TSNARE1: variants seen among roughly 807,000 people sequenced by gnomAD.
TSNARE1 encodes the protein t-SNARE domain-containing protein 1.
TSNARE1 carries 49 observed loss-of-function variants against 62.0 expected under a neutral mutation model. The ratio of observed to expected loss-of-function variants is 0.79; its 90% CI spans 0.63 to 1.00. TSNARE1 has a LOEUF of 1.00. Among genes scored for constraint, TSNARE1 ranks in the 50% least tolerant of loss-of-function variants. TSNARE1 has a pLI of 0.00. For missense variants in TSNARE1, 755 were observed against 700.1 expected, an observed-to-expected ratio of 1.08 and a Z score of -0.88; for synonymous variants, 328 against 294.4, an observed-to-expected ratio of 1.11 and a Z score of -1.17.
At chr8:142,372,088 T>C (rs554733295) in intron 1 of TSNARE1, among the ~76,000 whole-genome samples, 1 of 152,204 alleles carries the variant, frequency 6.6e-6, no homozygotes, top group Non-Finnish European at 1.5e-5. Flanking sequence ...TGGTGGATTC[T>C]GAATTCTGCT....
intron 12 of TSNARE1, among the ~76,000 whole-genome samples, chr8:142,259,800 T>C (rs1231921254): frequency 6.6e-6 from 1 of 151,910 alleles, no homozygotes; most frequent in Non-Finnish European, 1.5e-5. Context: ...GAATACCGAG[T>C]TGCTAAGAAT....
chr8:142,360,606 C>A (rs1835082841), intron 1 of TSNARE1, among the ~76,000 whole-genome samples: 1 of 151,976 alleles, frequency 6.6e-6, no homozygotes, highest in South Asian at 2.1e-4. Context: ...CAGGCTGGCG[C>A]CGGCCCTCCC....
At chr8:142,324,853 G>A (rs952329352) in intron 6 of TSNARE1, among the ~76,000 whole-genome samples, 21 of 152,236 alleles carry the variant, frequency 1.4e-4, no homozygotes, top group East Asian at 5.8e-4. Flanking sequence ...CGGCGCTCCC[G>A]CCCCTCTGTC....
At chr8:142,224,004 A>G (rs1026535536) in intron 13 of TSNARE1, among the ~76,000 whole-genome samples, 3 of 152,194 alleles carry the variant, frequency 2.0e-5, no homozygotes, top group African/African-American at 4.8e-5. Flanking sequence ...GCTCGGGGCC[A>G]TTTCATCCTC....
Position 142,363,105 on chromosome 8 carries a change from T to A in TSNARE1, c.-39-8342A>T, listed in dbSNP as rs369105791. Among the ~76,000 whole-genome samples the A allele has an allele frequency of 2.8e-4, 43 of 152,148 alleles. No individual in the cohort carries two copies. The East Asian group carries it at 8.1e-3, about 29-fold the overall frequency. On this transcript the variant is annotated intron_variant, in intron 1 of 13. Coordinates refer to ENST00000524325, the MANE Select transcript of TSNARE1 (RefSeq NM_145003.5). ...TCCAAGCCGCCAGCACGGAAGAGGA[T>A]CTTCTGTCATCTCCCCACGTGGCTG...
chr8:142,368,213 G>T (rs915660269), intron 1 of TSNARE1, among the ~76,000 whole-genome samples: 25 of 150,948 alleles, frequency 1.7e-4, no homozygotes, highest in African/African-American at 5.8e-4. Context: ...GCCAAAGGAC[G>T]AATATTATCC....
intron 12 of TSNARE1, among the ~76,000 whole-genome samples, chr8:142,251,192 C>T (rs530528711): frequency 6.6e-6 from 1 of 152,160 alleles, no homozygotes; most frequent in East Asian, 1.9e-4. Context: ...CTACAGGCCC[C>T]CACCGCCTTC....
At chr8:142,314,319 A>G (rs1033204528) in intron 9 of TSNARE1, 65 bp downstream of exon 9, 1 of 1,493,740 alleles carries the variant, frequency 6.7e-7, no homozygotes, top group African/African-American at 1.4e-5. Flanking sequence ...CATGGAGCAC[A>G]GATGGCAGCG....
Position 142,276,682 on chromosome 8 carries a change from G to A in TSNARE1, c.1364-1819C>T, listed in dbSNP as rs1017384579. 4.3e-5 allele frequency: 42 copies of A among 985,310 alleles called. 1 individual carries two copies. The Admixed American group carries it at 2.3e-3, about 55-fold the overall frequency. The allele number at this position is 985,310 out of a possible 1,614,324, so 61.0% of individuals were successfully genotyped here. ...TGGACCCCACCCTTGGACTCAGCCT[G>A]TGCCCAATCCTGCTCTACACCTAGC... On this transcript the variant is annotated intron_variant, in intron 11 of 13. Transcript: ENST00000524325.
chr8:142,218,002 A>G (rs1563751180), intron 13 of TSNARE1, among the ~76,000 whole-genome samples: 1 of 107,900 alleles, frequency 9.3e-6, no homozygotes, highest in African/African-American at 4.1e-5. Flanking sequence ...GAGCAGGATC[A>G]GGGCTCAGTG....
intron 1 of TSNARE1, among the ~76,000 whole-genome samples, chr8:142,363,124 G>A (rs766186956): frequency 1.6e-4 from 24 of 152,254 alleles, no homozygotes; most frequent in African/African-American, 5.3e-4. Context: ...ATCTCCCCAC[G>A]TGGCTGTGTG....
At chr8:142,327,020 G>C (rs1038864986) in intron 6 of TSNARE1, among the ~76,000 whole-genome samples, 1 of 152,168 alleles carries the variant, frequency 6.6e-6, no homozygotes, top group South Asian at 2.1e-4. Flanking sequence ...TGCTGGCGGG[G>C]GTGTAAAATG....
intron 11 of TSNARE1, chr8:142,277,629 G>A (rs897716170): frequency 4.7e-5 from 46 of 985,398 alleles, no homozygotes; most frequent in Non-Finnish European, 5.4e-5. Context: ...AAGCACTCTC[G>A]CTTGGGAATT....
chr8:142,337,431 G>A (rs1212137423), intron 4 of TSNARE1, among the ~76,000 whole-genome samples: 2 of 152,226 alleles, frequency 1.3e-5, no homozygotes, highest in African/African-American at 2.4e-5. Context: ...TGGAGAACGC[G>A]AAAGCATCCA....
At position 142,331,633 on chromosome 8, in the gene TSNARE1, C is replaced by T. The variant is rs566840223; in HGVS notation, c.823+121G>A. 165 of 961,688 alleles carry T rather than the reference C, an allele frequency of 1.7e-4. 3 individuals carry two copies. The highest frequency in any genetic ancestry group is 1.2e-3 in the South Asian group (84 of 68,742). The allele number at this position is 961,688 out of a possible 1,614,324, so 59.6% of individuals were successfully genotyped here. A position where few individuals can be genotyped will look rare whatever the true frequency, so the allele number is the denominator to read the frequency against. On this transcript the variant is annotated intron_variant, in intron 5 of 13. Coordinates refer to ENST00000524325, the MANE Select transcript of TSNARE1 (RefSeq NM_145003.5). ...GTCGCATCAGTGGACCCACGAAACC[C>T]GGGACTGCACCGCAGGATGGCCTGA...
intron 10 of TSNARE1, among the ~76,000 whole-genome samples, chr8:142,294,818 A>G (rs1211947777): frequency 6.6e-6 from 1 of 152,228 alleles, no homozygotes; most frequent in Non-Finnish European, 1.5e-5. Flanking sequence ...CTCCTCGCCC[A>G]TGCCAGGGCT....
At chr8:142,304,565 G>C (rs1431405804) in intron 9 of TSNARE1, among the ~76,000 whole-genome samples, 1 of 152,250 alleles carries the variant, frequency 6.6e-6, no homozygotes, top group African/African-American at 2.4e-5. Context: ...CTCCTAAGGT[G>C]TGAGGGCTCA....
intron 4 of TSNARE1, 81 bp from the exon 5 acceptor site, chr8:142,331,912 GC>G: frequency 7.3e-7 from 1 of 1,374,276 alleles, no homozygotes; most frequent in Non-Finnish European, 1.0e-6. Flanking sequence ...GCTCTGGGCA[GC>G]CCCCAGGGGC....
chr8:142,219,130 C>G (rs1042900934), intron 13 of TSNARE1, among the ~76,000 whole-genome samples: 2 of 152,124 alleles, frequency 1.3e-5, no homozygotes, highest in East Asian at 3.9e-4. Context: ...TGAGTGTCAC[C>G]TCCTGGGTGG....
Sources: gnomAD v4.1 joint callset for allele counts (sites outside exome capture counted in the v4.1 genomes callset) on GRCh38, gnomAD v4.1.1 for gene constraint, MANE v1.5 for transcripts, NCBI Gene and HGNC (gene_info 2026-07-23, HGNC 2026-07-21) for gene names.